AGBL4: variants seen among roughly 807,000 people sequenced by gnomAD.
AGBL4 encodes the protein cytosolic carboxypeptidase 6.
AGBL4 carries 58 observed loss-of-function variants against 66.4 expected under a neutral mutation model. The observed-to-expected ratio is 0.87, with a 90% CI of 0.71 to 1.09. The LOEUF (loss-of-function observed/expected upper bound fraction) is 1.09. AGBL4 is among the 50% of genes least tolerant of loss of function. AGBL4 has a pLI of 0.00. For missense variants in AGBL4, 579 were observed against 631.0 expected, an observed-to-expected ratio of 0.92 and a Z score of 0.88; for synonymous variants, 234 against 222.9, an observed-to-expected ratio of 1.05 and a Z score of -0.44.
chr1:49,494,379 C>G (rs907539553), intron 3 of AGBL4, among the ~76,000 whole-genome samples: 1 of 151,920 alleles, frequency 6.6e-6, no homozygotes, highest in Non-Finnish European at 1.5e-5. Flanking sequence ...CACCCACTAA[C>G]TCGTCATCTA....
chr1:48,947,828 T>A (rs955802172), intron 5 of AGBL4, among the ~76,000 whole-genome samples: 1 of 149,252 alleles, frequency 6.7e-6, no homozygotes, highest in East Asian at 2.0e-4. Context: ...GATTGTCCTT[T>A]AAATTTTTTT....
rs142614792 is a variant in AGBL4 at position 48,712,412 on chromosome 1, T to A, written c.635-49171A>T. ...CACGGGTAGGACCCTGAGCATATCA[T>A]TTCCCCTCTCTGGCACTCAGTTTCA... On this transcript the variant is annotated intron_variant, in intron 6 of 13. Transcript: ENST00000371839. Among the ~76,000 whole-genome samples, 767 of 152,280 alleles carry A rather than the reference T, an allele frequency of 5.0e-3. 9 individuals are homozygous for A. Among genetic ancestry groups the A allele is most frequent in the African/African-American group, 0.017 (725 of 41,550 alleles).
chr1:49,018,561 A>T (rs1662997692), intron 5 of AGBL4, among the ~76,000 whole-genome samples: 1 of 152,154 alleles, frequency 6.6e-6, no homozygotes, highest in Non-Finnish European at 1.5e-5. Flanking sequence ...TGACATGACA[A>T]AATCCCCTTA....
At chr1:49,659,794 A>G (rs1208366965) in intron 3 of AGBL4, among the ~76,000 whole-genome samples, 1 of 152,142 alleles carries the variant, frequency 6.6e-6, no homozygotes, top group Non-Finnish European at 1.5e-5. Context: ...AGAACTTGCC[A>G]CCCCAAAACA....
At chr1:49,896,608 AACACACACAC>A (rs58132063) in intron 1 of AGBL4, among the ~76,000 whole-genome samples, 2,404 of 133,760 alleles carry the variant, frequency 0.018, 51 homozygotes, top group African/African-American at 0.05. Context: ...GACCCATGAA[AACACACACAC>A]ACACACACAC....
At chr1:49,750,326 T>A (rs1442397512) in intron 2 of AGBL4, among the ~76,000 whole-genome samples, 1 of 152,088 alleles carries the variant, frequency 6.6e-6, no homozygotes, top group African/African-American at 2.4e-5. Context: ...CTAGCCAGTT[T>A]TCCCAAAACC....
chr1:49,004,152 G>A (rs1358996653), intron 5 of AGBL4, among the ~76,000 whole-genome samples: 1 of 152,142 alleles, frequency 6.6e-6, no homozygotes, highest in Admixed American at 6.5e-5. Flanking sequence ...ACCTTTATAT[G>A]GGATCCTCCA....
chr1:48,634,794 C>T (rs188495328), intron 8 of AGBL4, among the ~76,000 whole-genome samples, 190 bp from the exon 9 acceptor site: 33 of 152,316 alleles, frequency 2.2e-4, no homozygotes, highest in African/African-American at 7.9e-4. Context: ...GAGGTCACTA[C>T]TATTGCAATT....
chr1:48,598,536 G>T (rs1337695944), intron 9 of AGBL4, among the ~76,000 whole-genome samples: 1 of 151,898 alleles, frequency 6.6e-6, no homozygotes, highest in Non-Finnish European at 1.5e-5. Context: ...CGGCACTTTA[G>T]GAGGCCAAGG....
chr1:49,808,351 G>A lies in AGBL4; in HGVS notation c.157+43045C>T, dbSNP rs528634613. Among the ~76,000 whole-genome samples the A allele has an allele frequency of 9.2e-5, 14 of 152,244 alleles. No homozygotes were observed. The East Asian group carries it at 2.1e-3, about 23-fold the overall frequency. On this transcript the variant is annotated intron_variant, in intron 2 of 13. Coordinates refer to ENST00000371839, the MANE Select transcript of AGBL4 (RefSeq NM_032785.4). Reference sequence around the variant, plus strand: ...ATGAGGATGTCTATAGATTCACAAAGGGAAGACAGGAGGAGGCTCAATGTT... The same window carrying A: ...ATGAGGATGTCTATAGATTCACAAAAGGAAGACAGGAGGAGGCTCAATGTT...
intron 3 of AGBL4, among the ~76,000 whole-genome samples, chr1:49,460,473 G>A (rs1393530634): frequency 6.6e-6 from 1 of 151,460 alleles, no homozygotes; most frequent in Non-Finnish European, 1.5e-5. Flanking sequence ...TTAGATTTAT[G>A]TGAGTCCTCA....
At chr1:49,747,687 T>G (rs1651095042) in intron 2 of AGBL4, among the ~76,000 whole-genome samples, 1 of 152,172 alleles carries the variant, frequency 6.6e-6, no homozygotes, top group Non-Finnish European at 1.5e-5. Context: ...TTACTTAATT[T>G]TTTTACAAGA....
intron 6 of AGBL4, among the ~76,000 whole-genome samples, chr1:48,774,112 T>G (rs956923714): frequency 1.8e-4 from 28 of 152,342 alleles, no homozygotes; most frequent in African/African-American, 5.8e-4. Context: ...AAAGCTGTGC[T>G]GAAACTACCT....
chr1:48,601,894 A>G (rs1459113559), intron 9 of AGBL4, among the ~76,000 whole-genome samples: 1 of 152,196 alleles, frequency 6.6e-6, no homozygotes, highest in Admixed American at 6.5e-5. Context: ...GCCTTCCCTC[A>G]GAAAGCCCCA....
intron 3 of AGBL4, among the ~76,000 whole-genome samples, chr1:49,291,690 T>A (rs2148427478): frequency 6.6e-6 from 1 of 152,336 alleles, no homozygotes; most frequent in Middle Eastern, 3.4e-3. Flanking sequence ...AGCAATATTC[T>A]ATATTTTGAT....
chr1:49,135,974 T>C (rs1646002273), intron 4 of AGBL4, among the ~76,000 whole-genome samples: 1 of 152,202 alleles, frequency 6.6e-6, no homozygotes, highest in African/African-American at 2.4e-5. Context: ...TGATTTTGTT[T>C]TCTCCTGTAG....
chr1:48,840,477 A>G (rs1646774226), intron 6 of AGBL4, among the ~76,000 whole-genome samples: 1 of 152,234 alleles, frequency 6.6e-6, no homozygotes, highest in African/African-American at 2.4e-5. Flanking sequence ...CTAACAGTGT[A>G]GGAGCTTAAA....
chr1:49,923,066 C>A (rs575931650), intron 1 of AGBL4, among the ~76,000 whole-genome samples: 2 of 152,194 alleles, frequency 1.3e-5, no homozygotes, highest in East Asian at 1.9e-4. Flanking sequence ...CGACTTCAAA[C>A]AATCCTACAG....
At chr1:49,511,854 G>T (rs888393203) in intron 3 of AGBL4, among the ~76,000 whole-genome samples, 2 of 151,840 alleles carry the variant, frequency 1.3e-5, no homozygotes, top group African/African-American at 4.8e-5. Context: ...AAAGTTAAAA[G>T]TTTCAGATAA....
Sources: gnomAD v4.1 joint callset for allele counts (sites outside exome capture counted in the v4.1 genomes callset) on GRCh38, gnomAD v4.1.1 for gene constraint, MANE v1.5 for transcripts, NCBI Gene and HGNC (gene_info 2026-07-23, HGNC 2026-07-21) for gene names.